The following CHST11 variants were observed in gnomAD, a reference collection of about 807,000 sequenced individuals.
CHST11 encodes the protein carbohydrate sulfotransferase 11, also known as C4S-1.
CHST11 carries 9 observed loss-of-function variants against 30.4 expected under a neutral mutation model. That is an observed-to-expected ratio of 0.30 (90% CI 0.18 to 0.52). The LOEUF (loss-of-function observed/expected upper bound fraction) is 0.52. CHST11 is among the 20% of genes least tolerant of loss of function. The pLI is 0.97. For missense variants in CHST11, 348 were observed against 460.6 expected, an observed-to-expected ratio of 0.76 and a Z score of 2.24; for synonymous variants, 152 against 187.8, an observed-to-expected ratio of 0.81 and a Z score of 1.56.
chr12:104,737,275 C>T (rs1464748707), intron 2 of CHST11, among the ~76,000 whole-genome samples: 1 of 152,188 alleles, frequency 6.6e-6, no homozygotes, highest in Non-Finnish European at 1.5e-5. Context: ...GGGAGGTCAT[C>T]GTGGGGGTGG....
intron 2 of CHST11, among the ~76,000 whole-genome samples, chr12:104,722,054 T>C (rs765439750): frequency 1.3e-5 from 2 of 151,924 alleles, no homozygotes; most frequent in Non-Finnish European, 2.9e-5. Flanking sequence ...AGTGATGCAG[T>C]CATAGCTCAC....
chr12:104,485,327 T>A (rs893167463), intron 1 of CHST11, among the ~76,000 whole-genome samples: 4 of 152,182 alleles, frequency 2.6e-5, no homozygotes, highest in Admixed American at 6.5e-5. Context: ...AGCAAATGAT[T>A]CCAGCAGAGA....
chr12:104,476,572 T>G (rs1433624655), intron 1 of CHST11, among the ~76,000 whole-genome samples: 1 of 151,810 alleles, frequency 6.6e-6, no homozygotes, highest in Non-Finnish European at 1.5e-5. Flanking sequence ...AAAAATGCCG[T>G]TTTTTTTGTA....
chr12:104,663,211 G>A (rs932531077), intron 2 of CHST11, among the ~76,000 whole-genome samples: 2 of 152,226 alleles, frequency 1.3e-5, no homozygotes, highest in African/African-American at 2.4e-5. Context: ...CCTCACCTCC[G>A]TGCGACTTCC....
At chr12:104,513,123 T>TGGCG (rs1555229062) in intron 1 of CHST11, among the ~76,000 whole-genome samples, 1 of 3,390 alleles carries the variant, frequency 2.9e-4, no homozygotes, top group African/African-American at 1.5e-3. Flanking sequence ...ATGTCATGAC[T>TGGCG]GGGGGGGGGG....
intron 2 of CHST11, among the ~76,000 whole-genome samples, chr12:104,671,354 T>G (rs1047183823): frequency 6.6e-6 from 1 of 152,224 alleles, no homozygotes; most frequent in African/African-American, 2.4e-5. Flanking sequence ...TGCTGTGCCT[T>G]CATTTCCCCA....
intron 2 of CHST11, among the ~76,000 whole-genome samples, chr12:104,703,295 C>T (rs2040005577): frequency 6.6e-6 from 1 of 152,248 alleles, no homozygotes. Flanking sequence ...CAGCTGCCTC[C>T]TGGCCATCTT....
intron 1 of CHST11, among the ~76,000 whole-genome samples, chr12:104,474,682 CAG>C (rs1033913853): frequency 1.3e-5 from 2 of 152,014 alleles, no homozygotes; most frequent in African/African-American, 4.8e-5. Context: ...ATTAGGAACA[CAG>C]AGGTCATTGC....
chr12:104,651,380 T>C (rs188716452), intron 2 of CHST11, among the ~76,000 whole-genome samples: 24 of 152,344 alleles, frequency 1.6e-4, no homozygotes, highest in Non-Finnish European at 4.4e-5. Context: ...TTAACAAGTA[T>C]TGAACACCTA....
chr12:104,464,379 G>A (rs1690103815), intron 1 of CHST11, among the ~76,000 whole-genome samples: 1 of 152,034 alleles, frequency 6.6e-6, no homozygotes, highest in Non-Finnish European at 1.5e-5. Context: ...TTGCACATTT[G>A]TGCTCATCTT....
intron 2 of CHST11, among the ~76,000 whole-genome samples, chr12:104,670,573 A>G (rs1424248564): frequency 6.7e-6 from 1 of 148,974 alleles, no homozygotes; most frequent in Non-Finnish European, 1.5e-5. Context: ...ACACCCACAC[A>G]TGCACTCACA....
chr12:104,514,544 A>G, intron 1 of CHST11: 2 of 503,320 alleles, frequency 4.0e-6, no homozygotes, highest in South Asian at 4.5e-5. Flanking sequence ...AAAAGAAAAA[A>G]GAAATAGAGG....
intron 2 of CHST11, among the ~76,000 whole-genome samples, chr12:104,738,685 T>C (rs1288475984): frequency 6.6e-6 from 1 of 152,174 alleles, no homozygotes; most frequent in East Asian, 1.9e-4. Context: ...AGTGAGGAAA[T>C]AGAGGCTTTA....
chr12:104,665,848 T>C (rs1474266599), intron 2 of CHST11, among the ~76,000 whole-genome samples: 1 of 129,156 alleles, frequency 7.7e-6, no homozygotes, highest in Non-Finnish European at 1.6e-5. Context: ...TGAGACGGAA[T>C]CTTGCTCTGT....
intron 2 of CHST11, among the ~76,000 whole-genome samples, chr12:104,662,987 T>G (rs1002763735): frequency 4.6e-5 from 7 of 152,258 alleles, no homozygotes; most frequent in African/African-American, 1.7e-4. Context: ...GCCACTAATT[T>G]ATTTAATGTG....
chr12:104,748,081 G>C (rs943786893), intron 2 of CHST11, among the ~76,000 whole-genome samples: 1 of 152,198 alleles, frequency 6.6e-6, no homozygotes, highest in Non-Finnish European at 1.5e-5. Flanking sequence ...CCATGTTCAC[G>C]GTTTCCTAGA....
intron 2 of CHST11, among the ~76,000 whole-genome samples, chr12:104,669,187 C>T (rs1273619298): frequency 2.6e-5 from 4 of 152,134 alleles, no homozygotes; most frequent in African/African-American, 7.2e-5. Flanking sequence ...GCAGCCAGAG[C>T]GTTTTTCCTC....
chr12:104,610,414 G>A (rs1401830042), intron 2 of CHST11, among the ~76,000 whole-genome samples: 1 of 152,136 alleles, frequency 6.6e-6, no homozygotes, highest in Non-Finnish European at 1.5e-5. Flanking sequence ...ATGCTCTAAT[G>A]GAGTTTTTCT....
At chr12:104,565,850 G>A (rs545852473) in intron 1 of CHST11, among the ~76,000 whole-genome samples, 1 of 152,302 alleles carries the variant, frequency 6.6e-6, no homozygotes, top group South Asian at 2.1e-4. Flanking sequence ...AGAGAGAAAG[G>A]AACACTGTGT....
Sources: allele counts gnomAD v4.1 joint callset (sites outside exome capture counted in the v4.1 genomes callset), GRCh38; gene constraint gnomAD v4.1.1; transcripts MANE v1.5; gene names NCBI Gene and HGNC (gene_info 2026-07-23, HGNC 2026-07-21).